The following RSL1D1 variants were observed in gnomAD, a reference collection of about 807,000 sequenced individuals.
RSL1D1 encodes ribosomal L1 domain containing 1, also known as ribosomal L1 domain-containing protein 1.
Under a neutral mutation model 44.6 loss-of-function variants are expected in RSL1D1, and 34 were observed. The ratio of observed to expected loss-of-function variants is 0.76; its 90% CI spans 0.58 to 1.02. The LOEUF is 1.02. RSL1D1 is among the 50% of genes least tolerant of loss of function. The pLI is 0.00. For missense variants in RSL1D1, 767 were observed against 568.1 expected, an observed-to-expected ratio of 1.35 and a Z score of -3.56; for synonymous variants, 271 against 207.4, an observed-to-expected ratio of 1.31 and a Z score of -2.63.
chr16:11,851,508 T>G lies in RSL1D1; in HGVS notation c.5A>C (p.Glu2Ala), dbSNP rs539844180. The G allele has an allele frequency of 1.2e-6, 2 of 1,613,522 alleles. No homozygotes were observed. The highest frequency in any genetic ancestry group is 2.2e-5 in the East Asian group (1 of 44,872). The stretch of plus-strand genomic sequence containing the variant: ...AGACAGCGAGGCCGAGGCCGAATCC[T>G]CCATCTTGTTTCCACCTCGTGAAGA... MEDSASASLSSA... is the reference protein window; with the variant it reads MADSASASLSSA... The change falls in exon 1 of 9, where the codon GAG becomes GCG. Residue 2 changes from glutamate (E) to alanine (A), a missense_variant. Coordinates refer to ENST00000571133, the MANE Select transcript of RSL1D1 (RefSeq NM_015659.3).
rs1463137822 is a variant in RSL1D1, at chr16:11,833,853, C to T, written c.*3934G>A. ...TGGATTGACTTAAATACATTCATGG[C>T]ATTTAAAATGAAATTTTAATTATTA... On this transcript the variant is annotated 3_prime_UTR_variant, in exon 9 of 9. Coordinates refer to ENST00000571133, the MANE Select transcript of RSL1D1 (RefSeq NM_015659.3). The T allele has an allele frequency of 5.3e-5, 8 of 151,896 alleles. No individual in the cohort carries two copies. The highest frequency in any genetic ancestry group is 1.2e-4 in the Non-Finnish European group (8 of 67,976). 9.4% of individuals were successfully genotyped at this position (151,896 alleles called of 1,614,324 possible). A position where few individuals can be genotyped will look rare whatever the true frequency, so the allele number is the denominator to read the frequency against.
Position 11,837,848 on chromosome 16 carries a change from C to A in RSL1D1, c.1412G>T (p.Arg471Ile), listed in dbSNP as rs765818849. ...TTTTTTGGGGGTGTGGGAAGCTTTT[C>A]TCACAGATTTACTAGGAGTGGTGAA... Reference protein sequence around the residue: ...KFFTTPSKSVRKASHTPKKWP... With the variant: ...KFFTTPSKSVIKASHTPKKWP... The change falls in exon 9 of 9, where the codon AGA (arginine) becomes ATA (isoleucine). Residue 471 changes from arginine to isoleucine, a missense_variant. Physicochemically the swap from Arg to Ile is moderately conservative, Grantham distance 97 (BLOSUM62 -3). Transcript: ENST00000571133. The A allele has an allele frequency of 6.2e-6, 10 of 1,613,556 alleles. No homozygotes were observed. In the South Asian group the frequency reaches 1.1e-4, roughly 18 times the overall value.
At chr16:11,838,959 G>A (rs1178352219) in intron 8 of RSL1D1, among the ~76,000 whole-genome samples, 1 of 151,972 alleles carries the variant, frequency 6.6e-6, no homozygotes, top group Non-Finnish European at 1.5e-5. Context: ...AATCCTGGAA[G>A]CACCATGAGG....
In RSL1D1 at chr16:11,835,917, C is replaced by T. The variant is rs909907354; in HGVS notation, c.*1870G>A. ...AAGGGTGGAAGGCTGCCCTGACGCA[C>T]CATAATCTAAGCCCAGGGCATAAAA... is the stretch of plus-strand genomic sequence containing the variant. On this transcript the variant is annotated 3_prime_UTR_variant, in exon 9 of 9. Coordinates refer to ENST00000571133, the MANE Select transcript of RSL1D1 (RefSeq NM_015659.3). 6 of 152,150 alleles carry T rather than the reference C, an allele frequency of 3.9e-5. No individual in the cohort carries two copies. 9.4% of individuals were successfully genotyped at this position (152,150 alleles called of 1,614,324 possible).
chr16:11,839,886 C>A lies in RSL1D1; in HGVS notation c.955G>T (p.Asp319Tyr), dbSNP rs34999527. Residue 319 changes from aspartate (D) to tyrosine (Y), a missense_variant, in exon 8 of 9, where the codon GAT becomes TAT. Asp to Tyr is a radical substitution (Grantham distance 160). Coordinates refer to ENST00000571133, the MANE Select transcript of RSL1D1 (RefSeq NM_015659.3). ...ARKTASVLSK[D>Y]DVAPESGDTT... ...TCACCACTTTCAGGTGCCACATCATCTTTACTAAGAACTGATGCAGTCTTC... is the reference window on the plus strand; with the variant it reads ...TCACCACTTTCAGGTGCCACATCATATTTACTAAGAACTGATGCAGTCTTC... The A allele has an allele frequency of 7.6e-3, 12,192 of 1,614,158 alleles. 59 individuals are homozygous for A. The highest frequency in any genetic ancestry group is 7.9e-3 in the Non-Finnish European group (9,363 of 1,180,026).
chr16:11,840,102 T>C (rs1431656124), intron 7 of RSL1D1, 117 bp from the exon 8 acceptor site: 2 of 1,461,124 alleles, frequency 1.4e-6, no homozygotes, highest in African/African-American at 2.8e-5. Context: ...GACCTCGATC[T>C]ATACAGAGAA....
intron 5 of RSL1D1, 95 bp downstream of exon 5, chr16:11,846,406 A>C (rs2053798727): frequency 8.1e-6 from 6 of 737,964 alleles, no homozygotes; most frequent in East Asian, 5.5e-5. Context: ...AAAAAAAAAA[A>C]CAAAAACAAA....
intron 7 of RSL1D1, among the ~76,000 whole-genome samples, chr16:11,840,979 C>G (rs545620556): frequency 6.6e-6 from 1 of 152,288 alleles, no homozygotes; most frequent in South Asian, 2.1e-4. Context: ...CCTTTTATTA[C>G]TGTTTCAAAT....
Position 11,836,059 on chromosome 16 carries a change from T to C in RSL1D1, c.*1728A>G, listed in dbSNP as rs552295454. The C allele has an allele frequency of 3.9e-5, 6 of 152,306 alleles. No homozygotes were observed. The highest frequency in any genetic ancestry group is 6.5e-5 in the Admixed American group (1 of 15,278). The allele number at this position is 152,306 out of a possible 1,614,324, so 9.4% of individuals were successfully genotyped here. A position where few individuals can be genotyped will look rare whatever the true frequency, so the allele number is the denominator to read the frequency against. ...AGTTAAAAGAACCTGCTCTCCATCA[T>C]CTCAAGTAGCAGAGCAAATGCTAAA... On this transcript the variant is annotated 3_prime_UTR_variant, in exon 9 of 9. Transcript: ENST00000571133.
chr16:11,850,572 C>T (rs569096091), intron 1 of RSL1D1, among the ~76,000 whole-genome samples, 154 bp from the exon 2 acceptor site: 13 of 152,222 alleles, frequency 8.5e-5, no homozygotes, highest in African/African-American at 3.1e-4. Flanking sequence ...CCTCCATAAC[C>T]GTATCTATTA....
Position 11,846,533 on chromosome 16 carries a change from T to C in RSL1D1, c.603A>G (p.Thr201=), listed in dbSNP as rs8052900. The C allele has an allele frequency of 0.67, 1,069,739 of 1,595,334 alleles. 365,033 individuals carry two copies. The highest frequency in any genetic ancestry group is 0.94 in the African/African-American group (69,787 of 74,072). The change falls in exon 5 of 9, where the codon ACA becomes ACG. Residue 201 remains threonine (T), a synonymous_variant. Coordinates refer to ENST00000571133, the MANE Select transcript of RSL1D1 (RefSeq NM_015659.3). ...AACCACTTTTAGAAATGTTTAAGAC[T>C]GTTCCACCTATACAGTCATTGATCT... ...SREINDCIGG[T]VLNISKSGSC...
At chr16:11,849,680 AAAAAT>A (rs956308941) in intron 2 of RSL1D1, among the ~76,000 whole-genome samples, 9 of 152,150 alleles carry the variant, frequency 5.9e-5, no homozygotes, top group African/African-American at 1.7e-4. Flanking sequence ...TTTCTAATAA[AAAAAT>A]AAAATAAAAT....
Position 11,841,902 on chromosome 16 carries a change from T to C in RSL1D1, c.729+5A>G. The stretch of plus-strand genomic sequence containing the variant: ...CAATCAATTGATGCACCTGTAATAC[T>C]GTACCTCTGGCAATTTTTCTGAAAG... On this transcript the variant is annotated splice_donor_5th_base_variant and intron_variant, in intron 6 of 8. Transcript: ENST00000571133. 2 of 1,613,150 alleles carry C rather than the reference T, an allele frequency of 1.2e-6. No individual in the cohort carries two copies. Among genetic ancestry groups the C allele is most frequent in the Non-Finnish European group, 1.7e-6 (2 of 1,179,570 alleles).
Position 11,850,292 on chromosome 16 carries a change from G to T in RSL1D1, c.232C>A (p.Leu78Met), listed in dbSNP as rs1237291371. 3.8e-6 allele frequency: 6 copies of T among 1,584,388 alleles called. No individual in the cohort carries two copies. The highest frequency in any genetic ancestry group is 5.1e-6 in the Non-Finnish European group (6 of 1,171,980). Reference sequence around the variant, plus strand: ...ATCACAACTTACAATCTGACCCTCAGTTCTTTACTTGGAATTTTCCATAAT... The same window carrying T: ...ATCACAACTTACAATCTGACCCTCATTTCTTTACTTGGAATTTTCCATAAT... ...VVLWKIPSKE[L>M]RVRLTLPHSI... The change falls in exon 2 of 9, where the codon CTG becomes ATG. Residue 78 changes from leucine (L) to methionine (M), a missense_variant. By Grantham distance (15) the Leu-to-Met change is conservative. Transcript: ENST00000571133.
Position 11,839,794 on chromosome 16 carries a change from G to T in RSL1D1, c.1047C>A (p.Gly349=). 6.2e-7 allele frequency: 1 copy of T among 1,614,066 alleles called. No individual in the cohort carries two copies. Residue 349 remains glycine (G), a synonymous_variant, in exon 8 of 9, where the codon GGC becomes GGA. Coordinates refer to ENST00000571133, the MANE Select transcript of RSL1D1 (RefSeq NM_015659.3). ...QTPEHGKKKR[G]RGKAQVKATN... is the part of the protein sequence containing the mutation. ...TTGCTTTAACTTGGGCTTTTCCTCT[G>T]CCACGTTTTTTCTTCCCATGCTCTG... is the stretch of plus-strand genomic sequence containing the variant.
intron 3 of RSL1D1, among the ~76,000 whole-genome samples, chr16:11,847,067 G>A (rs752225141): frequency 1.3e-5 from 2 of 152,066 alleles, no homozygotes; most frequent in Non-Finnish European, 2.9e-5. Flanking sequence ...AGATCTAGGT[G>A]GGCAACATAT....
chr16:11,840,082 C>A (rs2053754799), intron 7 of RSL1D1, 97 bp from the exon 8 acceptor site: 1 of 1,513,232 alleles, frequency 6.6e-7, no homozygotes, highest in South Asian at 1.3e-5. Context: ...TATCCATAAG[C>A]CCCTAAATGG....
At chr16:11,851,081 T>C (rs1382199762) in intron 1 of RSL1D1, 2 of 400,166 alleles carry the variant, frequency 5.0e-6, no homozygotes, top group South Asian at 2.1e-5. Flanking sequence ...AAGGGCCCAC[T>C]TTAAATAACG....
At position 11,834,350 on chromosome 16, in the gene RSL1D1, T is replaced by C. The variant is rs2053702778; in HGVS notation, c.*3437A>G. 6.6e-6 allele frequency: 1 copy of C among 152,210 alleles called. No individual in the cohort carries two copies. The highest frequency in any genetic ancestry group is 2.1e-4 in the South Asian group (1 of 4,836). The allele number at this position is 152,210 out of a possible 1,614,324, so 9.4% of individuals were successfully genotyped here. On this transcript the variant is annotated 3_prime_UTR_variant, in exon 9 of 9. Coordinates refer to ENST00000571133, the MANE Select transcript of RSL1D1 (RefSeq NM_015659.3). Reference sequence around the variant, plus strand: ...ATAAGATAGGTTTTATGTTAGATGATAACACCAGCATCTTGCTCAATAAAT... The same window carrying C: ...ATAAGATAGGTTTTATGTTAGATGACAACACCAGCATCTTGCTCAATAAAT...
Sources: allele counts gnomAD v4.1 joint callset (sites outside exome capture counted in the v4.1 genomes callset), GRCh38; gene constraint gnomAD v4.1.1; transcripts MANE v1.5; gene names NCBI Gene and HGNC (gene_info 2026-07-23, HGNC 2026-07-21).